The following CTNNA3 variants were observed in gnomAD, a reference collection of about 807,000 sequenced individuals.
CTNNA3 encodes catenin alpha-3.
CTNNA3 carries 76 observed loss-of-function variants against 95.7 expected under a neutral mutation model. That is an observed-to-expected ratio of 0.79 (90% confidence interval 0.66 to 0.96). The LOEUF (loss-of-function observed/expected upper bound fraction) is 0.96. Among genes scored for constraint, CTNNA3 ranks in the 40% least tolerant of loss-of-function variants. The pLI is 0.00. For missense variants in CTNNA3, 1,191 were observed against 1,089.8 expected (o/e 1.09, Z -1.31); for synonymous variants, 431 against 374.4 (o/e 1.15, Z -1.74).
chr10:67,485,817 C>T (rs1348389823), intron 5 of CTNNA3, among the ~76,000 whole-genome samples: 1 of 152,188 alleles, frequency 6.6e-6, no homozygotes, highest in Non-Finnish European at 1.5e-5. Flanking sequence ...TCTGATTCCA[C>T]TCAGAAAAGC....
chr10:67,040,872 C>A lies in CTNNA3; in HGVS notation c.1047+139445G>T, dbSNP rs534784443. On this transcript the variant is annotated intron_variant, in intron 7 of 17. Coordinates refer to ENST00000433211, the MANE Select transcript of CTNNA3 (RefSeq NM_013266.4). ...GCAAACTTTCATTGAACAACTATGA[C>A]ATACACCAAAGAGACAAAGATAAAA... is the stretch of plus-strand genomic sequence containing the variant. Among the ~76,000 whole-genome samples the A allele has an allele frequency of 7.2e-4, 109 of 152,198 alleles. 1 individual carries two copies. The highest frequency in any genetic ancestry group is 2.5e-3 in the African/African-American group (105 of 41,546).
intron 14 of CTNNA3, among the ~76,000 whole-genome samples, chr10:66,082,671 C>T (rs2080809410): frequency 7.2e-6 from 1 of 138,080 alleles, no homozygotes; most frequent in Non-Finnish European, 1.7e-5. Context: ...GGTGAAAGGC[C>T]TATAGGATCT....
chr10:66,547,917 A>AT (rs762970605), intron 10 of CTNNA3, among the ~76,000 whole-genome samples: 7,087 of 140,734 alleles, frequency 0.05, 470 homozygotes, highest in African/African-American at 0.16. Flanking sequence ...TTAGTATCTG[A>AT]TTTTTTTTTT....
At chr10:66,746,860 AGTGTGTGTGTGTGT>A (rs57102717) in intron 9 of CTNNA3, among the ~76,000 whole-genome samples, 3 of 150,452 alleles carry the variant, frequency 2.0e-5, no homozygotes, top group Admixed American at 6.6e-5. Flanking sequence ...AAATGGATGC[AGTGTGTGTGTGTGT>A]GTGTGTGTGT....
intron 13 of CTNNA3, among the ~76,000 whole-genome samples, chr10:66,148,021 T>C (rs2083988969): frequency 6.6e-6 from 1 of 151,708 alleles, no homozygotes; most frequent in East Asian, 1.9e-4. Context: ...AGGCAGCTCA[T>C]TATTGTTTTA....
intron 13 of CTNNA3, among the ~76,000 whole-genome samples, chr10:66,273,632 A>T (rs2091328837): frequency 6.6e-6 from 1 of 152,238 alleles, no homozygotes; most frequent in Non-Finnish European, 1.5e-5. Context: ...ATTTAATTTT[A>T]CGTGTTGAAC....
At chr10:66,929,077 G>A (rs141795067) in intron 7 of CTNNA3, among the ~76,000 whole-genome samples, 1 of 152,208 alleles carries the variant, frequency 6.6e-6, no homozygotes, top group Admixed American at 6.5e-5. Context: ...CAGGGACAAA[G>A]TGATGAAGGG....
chr10:66,579,037 C>A (rs1401691591), intron 10 of CTNNA3, among the ~76,000 whole-genome samples: 1 of 147,046 alleles, frequency 6.8e-6, no homozygotes, highest in Non-Finnish European at 1.5e-5. Context: ...TTGGTCTGTT[C>A]AGGATTTTAA....
At chr10:67,247,743 T>A (rs1470014137) in intron 5 of CTNNA3, among the ~76,000 whole-genome samples, 1 of 152,106 alleles carries the variant, frequency 6.6e-6, no homozygotes, top group Admixed American at 6.6e-5. Context: ...TTGGAAGAAT[T>A]CCCCTCATTT....
intron 11 of CTNNA3, among the ~76,000 whole-genome samples, chr10:66,508,801 G>GT (rs1198083244): frequency 6.6e-6 from 1 of 151,982 alleles, no homozygotes; most frequent in Non-Finnish European, 1.5e-5. Flanking sequence ...GAACACGTAG[G>GT]TTTATTCCAT....
At chr10:67,718,967 G>A (rs1447088362) in intron 1 of CTNNA3, among the ~76,000 whole-genome samples, 2 of 152,108 alleles carry the variant, frequency 1.3e-5, no homozygotes, top group Non-Finnish European at 2.9e-5. Context: ...ATTAATTACT[G>A]CCTCAATTTC....
At chr10:66,322,203 G>A (rs1028205217) in intron 12 of CTNNA3, among the ~76,000 whole-genome samples, 10 of 152,084 alleles carry the variant, frequency 6.6e-5, no homozygotes, top group African/African-American at 2.4e-4. Context: ...TACTGCTTCT[G>A]GCTTTGAGAA....
At chr10:67,745,389 C>G (rs533625806) in intron 1 of CTNNA3, among the ~76,000 whole-genome samples, 3 of 151,930 alleles carry the variant, frequency 2.0e-5, no homozygotes, top group African/African-American at 7.2e-5. Context: ...AACCATCATT[C>G]TCAGCAAACT....
chr10:66,534,868 A>C (rs2660011), intron 10 of CTNNA3, among the ~76,000 whole-genome samples: 99,492 of 150,358 alleles, frequency 0.66, 35,431 homozygotes, highest in Non-Finnish European at 0.8. Flanking sequence ...GAAAGAACAT[A>C]TTTTCCATTC....
At chr10:66,558,171 G>T (rs950910366) in intron 10 of CTNNA3, among the ~76,000 whole-genome samples, 1 of 152,046 alleles carries the variant, frequency 6.6e-6, no homozygotes, top group South Asian at 2.1e-4. Flanking sequence ...AGGTACATTT[G>T]GACAAAGCAG....
chr10:66,769,239 T>C (rs1270918349), intron 8 of CTNNA3, among the ~76,000 whole-genome samples: 1 of 152,216 alleles, frequency 6.6e-6, no homozygotes, highest in African/African-American at 2.4e-5. Context: ...CATCTTTTCG[T>C]CCCATGACAG....
In CTNNA3 at chr10:66,379,260, C is replaced by T. The variant is rs754896598; in HGVS notation, c.1624G>A (p.Gly542Ser). The change falls in exon 12 of 18, where the codon GGC becomes AGC. Residue 542 changes from glycine to serine, a missense_variant. Gly to Ser is a moderately conservative substitution (Grantham distance 56). Coordinates refer to ENST00000433211, the MANE Select transcript of CTNNA3 (RefSeq NM_013266.4). ...ATGTGAGCAACTCTTGCTGCCCGGC[C>T]TCTGATAGCACCCGCAGCACGGTCT... ...NLDRAAGAIR[G>S]RAARVAHIVT... 2 of 1,614,142 alleles carry T rather than the reference C, an allele frequency of 1.2e-6. No homozygotes were observed. Among genetic ancestry groups the T allele is most frequent in the South Asian group, 1.1e-5 (1 of 91,088 alleles).
intron 4 of CTNNA3, among the ~76,000 whole-genome samples, chr10:67,533,323 CAA>C (rs34612488): frequency 1.4e-4 from 16 of 112,814 alleles, no homozygotes; most frequent in Admixed American, 1.8e-4. Flanking sequence ...ATCTCTGTCT[CAA>C]AAAAAAAAAA....
At chr10:66,021,935 C>A (rs773282995) in intron 15 of CTNNA3, among the ~76,000 whole-genome samples, 8 of 146,654 alleles carry the variant, frequency 5.5e-5, no homozygotes, top group Non-Finnish European at 1.0e-4. Context: ...CTCATTGTAG[C>A]CTTGACTTCC....
Sources: gnomAD v4.1 joint callset for allele counts (sites outside exome capture counted in the v4.1 genomes callset) on GRCh38, gnomAD v4.1.1 for gene constraint, MANE v1.5 for transcripts, NCBI Gene and HGNC (gene_info 2026-07-23, HGNC 2026-07-21) for gene names.